Variants in UMAD1 observed in about 807,000 individuals in gnomAD.
UMAD1 encodes UBAP1-MVB12-associated (UMA) domain containing 1, also known as UBAP1-MVB12-associated (UMA)-domain containing protein 1.
In UMAD1, 8 loss-of-function variants were observed where a neutral mutation model predicts 6.1. That is an observed-to-expected ratio of 1.30 (90% CI 0.76 to 2.35). UMAD1 has a LOEUF of 2.35. Ranked by LOEUF, UMAD1 falls within the 30% of genes most tolerant of loss-of-function variation. UMAD1 has a pLI of 0.00. For missense variants in UMAD1, 130 were observed against 78.4 expected, an observed-to-expected ratio of 1.66 and a Z score of -2.49; for synonymous variants, 56 against 31.4, an observed-to-expected ratio of 1.78 and a Z score of -2.61.
At position 7,830,416 on chromosome 7, in the gene UMAD1, G is replaced by T. The variant is rs10952075; in HGVS notation, c.156+28673G>T. On this transcript the variant is annotated intron_variant, in intron 3 of 3. Coordinates refer to ENST00000682710, the MANE Select transcript of UMAD1 (RefSeq NM_001302348.2). This position sits in a 1 kb window ranked among gnomAD's most constrained non-coding sequence, Gnocchi z 5.3. ...GAAGTTCATTCTCTGCTTGAAGCAC[G>T]TTCATACTATATTGATTTTTTACCT... 0.54 allele frequency among the ~76,000 whole-genome samples: 82,693 copies of T among 151,822 alleles called. 22,905 individuals are homozygous for T. Among genetic ancestry groups the T allele is most frequent in the East Asian group, 0.75 (3,846 of 5,162 alleles).
At position 7,727,327 on chromosome 7, in the gene UMAD1, T is replaced by C. The variant is rs189691648; in HGVS notation, c.82+53874T>C. The stretch of plus-strand genomic sequence containing the variant: ...TTGGCTTCATATCAACCCTTAAGTA[T>C]TGTTAACTTTATGTAATAGCATTTG... On this transcript the variant is annotated intron_variant, in intron 2 of 3. Coordinates refer to ENST00000682710, the MANE Select transcript of UMAD1 (RefSeq NM_001302348.2). 1.2e-4 allele frequency among the ~76,000 whole-genome samples: 18 copies of C among 152,340 alleles called. No individual in the cohort carries two copies. The East Asian group carries it at 3.3e-3, about 28-fold the overall frequency.
intron 1 of UMAD1, among the ~76,000 whole-genome samples, chr7:7,660,379 G>A (rs1785444745): frequency 6.6e-6 from 1 of 152,174 alleles, no homozygotes; most frequent in South Asian, 2.1e-4. Context: ...GTTAGTTGAT[G>A]CAGTTTCTTC....
chr7:7,733,683 T>C (rs1239039375), intron 2 of UMAD1, among the ~76,000 whole-genome samples: 1 of 150,716 alleles, frequency 6.6e-6, no homozygotes, highest in Non-Finnish European at 1.5e-5. Context: ...TCCCAAAATA[T>C]TATTTTCAGC....
At chr7:7,823,838 C>T (rs1386687208) in intron 3 of UMAD1, among the ~76,000 whole-genome samples, 1 of 152,000 alleles carries the variant, frequency 6.6e-6, no homozygotes, top group Non-Finnish European at 1.5e-5. Context: ...AATATTGATT[C>T]GTAAAGCTAA....
chr7:7,878,291 CAT>C lies in UMAD1; in HGVS notation c.*756_*757del, dbSNP rs1784462371. ...CGGTTGCCATTTGCTCTCCTTACCA[CAT>C]ATGTTCCCAGTTTATGAAGAGATCC... On this transcript the variant is annotated 3_prime_UTR_variant, in exon 4 of 4. Coordinates refer to ENST00000682710, the MANE Select transcript of UMAD1 (RefSeq NM_001302348.2). 1 of 152,298 alleles carries C rather than the reference CAT, an allele frequency of 6.6e-6. No homozygotes were observed. 9.4% of individuals were successfully genotyped at this position (152,298 alleles called of 1,614,324 possible).
intron 1 of UMAD1, among the ~76,000 whole-genome samples, chr7:7,650,700 C>T (rs28916281): frequency 2.3e-3 from 354 of 152,348 alleles, no homozygotes; most frequent in African/African-American, 8.2e-3. Context: ...GCCAAACGCA[C>T]CTTGATTTAC....
intron 2 of UMAD1, among the ~76,000 whole-genome samples, chr7:7,790,071 G>T (rs1486399925): frequency 6.6e-6 from 1 of 151,998 alleles, no homozygotes; most frequent in African/African-American, 2.4e-5. Context: ...GTAAAAAGTA[G>T]GCAGATAATA....
intron 2 of UMAD1, among the ~76,000 whole-genome samples, chr7:7,694,302 A>G (rs1780253146): frequency 6.6e-6 from 1 of 152,188 alleles, no homozygotes; most frequent in Non-Finnish European, 1.5e-5. Flanking sequence ...TGATACAGGC[A>G]TACACATATA....
At chr7:7,841,294 C>T (rs1783674837) in intron 3 of UMAD1, among the ~76,000 whole-genome samples, 1 of 149,700 alleles carries the variant, frequency 6.7e-6, no homozygotes, top group African/African-American at 2.5e-5. Context: ...TAGCTACGAA[C>T]TGTCAATATA....
At chr7:7,643,439 G>C (rs1462078392) in intron 1 of UMAD1, among the ~76,000 whole-genome samples, 1 of 152,188 alleles carries the variant, frequency 6.6e-6, no homozygotes, top group Admixed American at 6.5e-5. Flanking sequence ...GGCCGGGCGC[G>C]GTGGCTCACG....
intron 2 of UMAD1, among the ~76,000 whole-genome samples, chr7:7,789,521 T>C (rs1782525741): frequency 6.6e-6 from 1 of 152,162 alleles, no homozygotes; most frequent in Non-Finnish European, 1.5e-5. Context: ...TATTTTTGAG[T>C]ATATAGTTTA....
chr7:7,731,188 G>T (rs961398083), intron 2 of UMAD1, among the ~76,000 whole-genome samples: 7 of 151,976 alleles, frequency 4.6e-5, no homozygotes, highest in South Asian at 2.1e-4. Flanking sequence ...CAGTAGAGAG[G>T]GGGGGGTTCC....
chr7:7,744,593 G>GTTTTTTTTT (rs377391555), intron 2 of UMAD1, among the ~76,000 whole-genome samples: 5 of 135,874 alleles, frequency 3.7e-5, no homozygotes, highest in Non-Finnish European at 6.3e-5. Flanking sequence ...AATTGTTACT[G>GTTTTTTTTT]TTTTTTTTTT....
At chr7:7,683,416 T>C (rs1779960669) in intron 2 of UMAD1, among the ~76,000 whole-genome samples, 1 of 152,184 alleles carries the variant, frequency 6.6e-6, no homozygotes, top group Non-Finnish European at 1.5e-5. Flanking sequence ...AATAATTGTA[T>C]GTCATCAAAT....
intron 2 of UMAD1, among the ~76,000 whole-genome samples, chr7:7,763,296 G>A (rs1454688012): frequency 6.6e-6 from 1 of 152,036 alleles, no homozygotes; most frequent in East Asian, 1.9e-4. Flanking sequence ...TACAAGGGGT[G>A]CATGCGCAAG....
chr7:7,649,517 C>G (rs866788386), intron 1 of UMAD1, among the ~76,000 whole-genome samples: 1 of 152,180 alleles, frequency 6.6e-6, no homozygotes, highest in Admixed American at 6.5e-5. Flanking sequence ...CATATTCAAA[C>G]CACAGCAGGA....
At chr7:7,851,805 T>C (rs536092796) in intron 3 of UMAD1, among the ~76,000 whole-genome samples, 1 of 152,224 alleles carries the variant, frequency 6.6e-6, no homozygotes, top group Non-Finnish European at 1.5e-5. Flanking sequence ...ATATACTTTT[T>C]AAATATTTCC....
intron 2 of UMAD1, among the ~76,000 whole-genome samples, chr7:7,698,352 T>C (rs775214664): frequency 1.3e-5 from 2 of 152,210 alleles, no homozygotes; most frequent in Non-Finnish European, 2.9e-5. Context: ...TAATGGTGCG[T>C]TTCCTGCTGC....
Position 7,767,128 on chromosome 7 carries a change from C to CTTTTTTTTTTTTTTTTTTTT in UMAD1, c.83-34528_83-34527insTTTTTTTTTTTTTTTTTTTT, listed in dbSNP as rs71014711. Among the ~76,000 whole-genome samples the CTTTTTTTTTTTTTTTTTTTT allele has an allele frequency of 5.5e-4, 72 of 129,782 alleles. 1 individual carries two copies. Among genetic ancestry groups the CTTTTTTTTTTTTTTTTTTTT allele is most frequent in the South Asian group, 1.3e-3 (5 of 3,762 alleles). 85.1% of individuals were successfully genotyped at this position (129,782 alleles called of 152,430 possible). ...AGTGAGCATTTCAAGAAATTAAGCT[C>CTTTTTTTTTTTTTTTTTTTT]TTTTTTTTTTTTTTGAGACGGACTC... On this transcript the variant is annotated intron_variant, in intron 2 of 3. Transcript: ENST00000682710.
Sources: allele counts gnomAD v4.1 joint callset (sites outside exome capture counted in the v4.1 genomes callset), GRCh38; gene constraint gnomAD v4.1.1; non-coding constraint Gnocchi (gnomAD v3.1); transcripts MANE v1.5; gene names NCBI Gene and HGNC (gene_info 2026-07-23, HGNC 2026-07-21).